Variants in AXL observed in about 807,000 individuals in gnomAD.
The protein encoded by AXL is tyrosine-protein kinase receptor UFO.
A neutral mutation model predicts 104.5 loss-of-function variants in AXL; 52 were observed. That is an observed-to-expected ratio of 0.50 (90% CI 0.40 to 0.63). AXL has a LOEUF of 0.63. Ranked by LOEUF, AXL falls within the 20% of genes least tolerant of loss-of-function variation. The pLI, the probability that AXL is intolerant of heterozygous loss-of-function variation, is 0.00. For missense variants in AXL, 1,024 were observed against 1,188.5 expected, an observed-to-expected ratio of 0.86 and a Z score of 2.04; for synonymous variants, 455 against 473.7, an observed-to-expected ratio of 0.96 and a Z score of 0.51.
intron 19 of AXL, among the ~76,000 whole-genome samples, chr19:41,257,886 A>C (rs573380127): frequency 4.6e-5 from 7 of 152,362 alleles, no homozygotes; most frequent in African/African-American, 1.7e-4. Flanking sequence ...CAAGCCAGGT[A>C]TCCTTGGGTA....
At chr19:41,256,188 C>G (rs890805437) in intron 17 of AXL, among the ~76,000 whole-genome samples, 3 of 152,112 alleles carry the variant, frequency 2.0e-5, no homozygotes, top group Non-Finnish European at 4.4e-5. Context: ...ATCAAGGAAT[C>G]AAACCCAAGG....
intron 14 of AXL, 139 bp downstream of exon 14, chr19:41,248,959 A>G: frequency 1.2e-6 from 1 of 866,378 alleles, no homozygotes; most frequent in Non-Finnish European, 1.8e-6. Flanking sequence ...GTACCTCAAT[A>G]GAAGGAATTG....
At chr19:41,239,559 C>A in intron 9 of AXL, 135 bp from the exon 10 acceptor site, 1 of 1,247,662 alleles carries the variant, frequency 8.0e-7, no homozygotes, top group South Asian at 1.2e-5. Context: ...CTCCCTTACC[C>A]GTGCCAAACC....
intron 1 of AXL, among the ~76,000 whole-genome samples, chr19:41,220,100 A>T (rs796569696): frequency 1.4e-4 from 21 of 150,670 alleles, no homozygotes; most frequent in African/African-American, 4.9e-4. Flanking sequence ...TCCCTCTGTG[A>T]CTGTATCCCC....
intron 4 of AXL, among the ~76,000 whole-genome samples, chr19:41,224,741 T>C (rs1304389704): frequency 6.6e-6 from 1 of 152,104 alleles, no homozygotes; most frequent in Non-Finnish European, 1.5e-5. Context: ...GGCGTGTGTG[T>C]ATATGTCACA....
chr19:41,220,651 A>C lies in AXL; in HGVS notation c.101A>C (p.Glu34Ala). 8 of 1,586,916 alleles carry C rather than the reference A, an allele frequency of 5.0e-6. No homozygotes were observed. Among genetic ancestry groups the C allele is most frequent in the Non-Finnish European group, 6.9e-6 (8 of 1,166,514 alleles). Residue 34 changes from glutamate to alanine, a missense_variant, in exon 2 of 20, where the codon GAA (glutamate) becomes GCA (alanine). Glu to Ala is a moderately radical substitution (Grantham distance 107). Around this residue, in one of 5 missense-constraint regions of AXL, gnomAD observed 124 missense variants for 115.5 expected, o/e 1.07. Coordinates refer to ENST00000301178, the MANE Select transcript of AXL (RefSeq NM_021913.5). ...TCCCCTCCAGGCACGCAGGCTGAAG[A>C]AAGTCCCTTCGTGGGCAACCCAGGG... ...CMAPRGTQAE[E>A]SPFVGNPGNI...
In AXL at chr19:41,232,278, C is replaced by T. The variant is rs533640642; in HGVS notation, c.783+980C>T. ...ATTCGCTAGAAGGATATATTACAACCCAGATGAGCTAGACCCAGCCTCTGC... is the reference window on the plus strand; with the variant it reads ...ATTCGCTAGAAGGATATATTACAACTCAGATGAGCTAGACCCAGCCTCTGC... On this transcript the variant is annotated intron_variant, in intron 6 of 19. Coordinates refer to ENST00000301178, the MANE Select transcript of AXL (RefSeq NM_021913.5). Among the ~76,000 whole-genome samples the T allele has an allele frequency of 2.6e-5, 4 of 152,236 alleles. No individual in the cohort carries two copies. In the East Asian group the frequency reaches 7.7e-4, roughly 29 times the overall value.
chr19:41,239,180 G>A lies in AXL; in HGVS notation c.1151G>A (p.Gly384Glu), dbSNP rs2122237361. The A allele has an allele frequency of 1.2e-6, 2 of 1,613,308 alleles. No individual in the cohort carries two copies. Among genetic ancestry groups the A allele is most frequent in the Non-Finnish European group, 1.7e-6 (2 of 1,179,554 alleles). ...QDTPEVLMDI[G>E]LRQEVTLELQ... ...ACCTCCTAGGTGCTAATGGACATAG[G>A]GCTAAGGCAAGAGGTGACCCTGGAG... Residue 384 changes from glycine to glutamate, a missense_variant, in exon 9 of 20, where the codon GGG becomes GAG. By Grantham distance (98) the Gly-to-Glu change is moderately conservative (BLOSUM62 -2). Transcript: ENST00000301178.
rs916273568 is a variant in AXL, at chr19:41,251,562, C to CA, written c.1712-773dup. Among the ~76,000 whole-genome samples, 446 of 109,670 alleles carry CA rather than the reference C, an allele frequency of 4.1e-3. 3 individuals carry two copies. Among genetic ancestry groups the CA allele is most frequent in the East Asian group, 0.031 (126 of 4,086 alleles). 71.9% of individuals were successfully genotyped at this position (109,670 alleles called of 152,430 possible). A position where few individuals can be genotyped will look rare whatever the true frequency, so the allele number is the denominator to read the frequency against. On this transcript the variant is annotated intron_variant, in intron 14 of 19. Coordinates refer to ENST00000301178, the MANE Select transcript of AXL (RefSeq NM_021913.5). ...GGGGGACAAGGGCGAAACTCCATCT[C>CA]AAAAAAAAAAAAAAAATTATCCGGG...
intron 10 of AXL, 85 bp downstream of exon 10, chr19:41,239,805 C>T (rs2034149945): frequency 2.0e-6 from 3 of 1,537,104 alleles, no homozygotes; most frequent in South Asian, 2.2e-5. Flanking sequence ...CATTGCACAT[C>T]CCTTTCATGT....
At position 41,239,934 on chromosome 19, in the gene AXL, A is replaced by G. The variant is rs149141381; in HGVS notation, c.1312+214A>G. Among the ~76,000 whole-genome samples the G allele has an allele frequency of 4.4e-3, 662 of 151,470 alleles. 15 individuals carry two copies. The highest frequency in any genetic ancestry group is 2.6e-3 in the Non-Finnish European group (178 of 67,808). ...CAGGCAATGACAGATGAGTGGGTGG[A>G]TGGATGAACAAATAGATGGATGGAT... On this transcript the variant is annotated intron_variant, in intron 10 of 19. Coordinates refer to ENST00000301178, the MANE Select transcript of AXL (RefSeq NM_021913.5).
intron 11 of AXL, 55 bp from the exon 12 acceptor site, chr19:41,243,561 G>A (rs1458407100): frequency 1.5e-6 from 2 of 1,366,686 alleles, no homozygotes; most frequent in Non-Finnish European, 2.1e-6. Flanking sequence ...TGCTGGTTGA[G>A]TAGGGGGTTC....
intron 18 of AXL, among the ~76,000 whole-genome samples, chr19:41,256,931 C>G (rs1353921486): frequency 6.6e-6 from 1 of 152,214 alleles, no homozygotes; most frequent in East Asian, 1.9e-4. Flanking sequence ...CAGAGTGGCA[C>G]ATGAGCTCAT....
intron 10 of AXL, among the ~76,000 whole-genome samples, chr19:41,239,984 G>A (rs147856315): frequency 6.6e-6 from 1 of 151,948 alleles, no homozygotes; most frequent in Non-Finnish European, 1.5e-5. Flanking sequence ...ATGGAGGGTG[G>A]ATGGGTGGGT....
At chr19:41,248,468 T>G in intron 12 of AXL, 46 bp from the exon 13 acceptor site, 1 of 1,576,552 alleles carries the variant, frequency 6.3e-7, no homozygotes, top group Non-Finnish European at 8.7e-7. Context: ...GTCACCTGAA[T>G]GTCAGCCCTG....
intron 1 of AXL, 82 bp downstream of exon 1, chr19:41,219,559 G>A (rs1013257352): frequency 6.0e-5 from 88 of 1,478,626 alleles, no homozygotes; most frequent in Non-Finnish European, 7.0e-5. Flanking sequence ...GATGGCAGGT[G>A]TGGGGGGCCT....
intron 18 of AXL, 50 bp from the exon 19 acceptor site, chr19:41,257,443 C>T (rs756428950): frequency 3.5e-5 from 57 of 1,609,962 alleles, no homozygotes; most frequent in South Asian, 3.0e-4. Flanking sequence ...GGTATTGGTG[C>T]GGGTGATTCT....
intron 17 of AXL, 55 bp downstream of exon 17, chr19:41,253,763 A>C: frequency 1.5e-6 from 2 of 1,365,308 alleles, no homozygotes; most frequent in Non-Finnish European, 2.1e-6. Flanking sequence ...TCCCTGAGGG[A>C]GTTCCCTCCC....
Position 41,248,603 on chromosome 19 carries a change from G to A in AXL, c.1627G>A (p.Gly543Arg). The stretch of plus-strand genomic sequence containing the variant: ...CAAGGTGGCCCTGGGGAAGACTCTG[G>A]GAGAGGGTGAGTCCCCCGGCAGCAT... The part of the protein sequence containing the change: ...RHKVALGKTL[G>R]EGEFGAVMEG... Residue 543 changes from glycine to arginine, a missense_variant, in exon 13 of 20, where the codon GGA (glycine) becomes AGA (arginine). Gly to Arg is a moderately radical substitution (Grantham distance 125). Coordinates refer to ENST00000301178, the MANE Select transcript of AXL (RefSeq NM_021913.5). 6.2e-7 allele frequency: 1 copy of A among 1,614,080 alleles called. No homozygotes were observed. Among genetic ancestry groups the A allele is most frequent in the Non-Finnish European group, 8.5e-7 (1 of 1,179,980 alleles).
Sources: allele counts gnomAD v4.1 joint callset (sites outside exome capture counted in the v4.1 genomes callset), GRCh38; gene constraint gnomAD v4.1.1; regional missense constraint gnomAD v4.1.1; transcripts MANE v1.5; gene names NCBI Gene and HGNC (gene_info 2026-07-23, HGNC 2026-07-21).